NFASC: variants seen among roughly 807,000 people sequenced by gnomAD.
The protein encoded by NFASC is neurofascin.
A neutral mutation model predicts 147.5 loss-of-function variants in NFASC; 43 were observed. The ratio of observed to expected loss-of-function variants is 0.29; its 90% CI spans 0.23 to 0.38. The LOEUF is 0.38. NFASC is among the 10% of genes least tolerant of loss of function. The probability of loss-of-function intolerance (pLI) is 1.00; values close to 1 mark genes in which losing one functional copy is unlikely to be tolerated. For missense variants in NFASC, 1,320 were observed against 1,689.0 expected, an observed-to-expected ratio of 0.78 and a Z score of 3.83; for synonymous variants, 622 against 665.5, an observed-to-expected ratio of 0.93 and a Z score of 1.01.
intron 17 of NFASC, among the ~76,000 whole-genome samples, chr1:204,978,107 T>C (rs1375318630): frequency 6.6e-6 from 1 of 152,158 alleles, no homozygotes; most frequent in Non-Finnish European, 1.5e-5. Flanking sequence ...CATCTATTGC[T>C]TTCTATCCAT....
At chr1:204,882,353 T>C (rs1196491471) in intron 1 of NFASC, among the ~76,000 whole-genome samples, 1 of 152,200 alleles carries the variant, frequency 6.6e-6, no homozygotes, top group Non-Finnish European at 1.5e-5. Flanking sequence ...GGGCTGTCTT[T>C]AGGCTTTTCC....
At chr1:204,914,642 G>A (rs1248896731) in intron 1 of NFASC, among the ~76,000 whole-genome samples, 1 of 152,170 alleles carries the variant, frequency 6.6e-6, no homozygotes, top group African/African-American at 2.4e-5. Flanking sequence ...CAAAGGAGAT[G>A]CCAATTTCTG....
At chr1:204,993,666 T>A in intron 24 of NFASC, 2 of 463,844 alleles carry the variant, frequency 4.3e-6, no homozygotes, top group South Asian at 3.1e-5. Context: ...CTCTGCCCGC[T>A]GTCCTTGGTC....
Position 204,997,411 on chromosome 1 carries a change from T to C in NFASC, c.3019+5T>C. ...GGACTAAGATACACGAATCCGGTAC[T>C]GCGCATCGCCCATGCTCCCCATCCC... On this transcript the variant is annotated splice_donor_5th_base_variant and intron_variant, in intron 25 of 29. Transcript: ENST00000339876. The C allele has an allele frequency of 1.3e-6, 2 of 1,551,924 alleles. No homozygotes were observed. Among genetic ancestry groups the C allele is most frequent in the Non-Finnish European group, 1.7e-6 (2 of 1,147,050 alleles).
chr1:204,997,393 G>C lies in NFASC; in HGVS notation c.3006G>C (p.Lys1002Asn). 1 of 1,552,202 alleles carries C rather than the reference G, an allele frequency of 6.4e-7. No individual in the cohort carries two copies. The highest frequency in any genetic ancestry group is 8.7e-7 in the Non-Finnish European group (1 of 1,147,206). Residue 1002 changes from lysine to asparagine, a missense_variant, in exon 25 of 30, where the codon AAG becomes AAC. Around this residue, in one of 3 missense-constraint regions of NFASC, gnomAD observed 172 missense variants for 165.8 expected, o/e 1.04. Coordinates refer to ENST00000339876, the MANE Select transcript of NFASC (RefSeq NM_001005388.3). ...CTCCCACCACCACCTCCGGGACTAA[G>C]ATACACGAATCCGGTACTGCGCATC... ...ESPPTTTSGT[K>N]IHESAPDEQS...
In NFASC at chr1:204,918,708, C is replaced by T. The variant is rs2089835039; in HGVS notation, c.-199-1924C>T. On this transcript the variant is annotated intron_variant, in intron 1 of 29. Transcript: ENST00000339876. ...TCAAGCGATTCTCATGCCTCAGCCT[C>T]CCGAGCAGCTGGGATTACAGGTGCC... Among the ~76,000 whole-genome samples, 4 of 150,886 alleles carry T rather than the reference C, an allele frequency of 2.7e-5. No individual in the cohort carries two copies. In the South Asian group the frequency reaches 8.4e-4, roughly 32 times the overall value.
chr1:204,992,659 G>A (rs1357627538), intron 24 of NFASC, among the ~76,000 whole-genome samples: 2 of 152,136 alleles, frequency 1.3e-5, no homozygotes, highest in Non-Finnish European at 2.9e-5. Context: ...TGAAGTTTAC[G>A]TAAGTCTCTC....
chr1:204,953,636 A>G (rs1297571984), intron 5 of NFASC, among the ~76,000 whole-genome samples: 6 of 152,290 alleles, frequency 3.9e-5, no homozygotes, highest in East Asian at 3.9e-4. Context: ...GGTCACTGCT[A>G]TATAATCTGT....
In NFASC at chr1:204,984,218, A is replaced by G. The variant is rs16854869; in HGVS notation, c.2470+2198A>G. 5.8e-3 allele frequency: 5,349 copies of G among 924,356 alleles called. 183 individuals carry two copies. In the African/African-American group the frequency reaches 0.076, roughly 13 times the overall value. The allele number at this position is 924,356 out of a possible 1,614,324, so 57.3% of individuals were successfully genotyped here. ...GCCAGGGGTAGCAAATGCGGGCTAT[A>G]AGATATTTGAAAGAAACCCTAGCGT... On this transcript the variant is annotated intron_variant, in intron 21 of 29. Coordinates refer to ENST00000339876, the MANE Select transcript of NFASC (RefSeq NM_001005388.3).
At chr1:204,905,680 A>G (rs1466657120) in intron 1 of NFASC, among the ~76,000 whole-genome samples, 1 of 152,070 alleles carries the variant, frequency 6.6e-6, no homozygotes. Flanking sequence ...CAGTTTCATT[A>G]TCCTTTTCTC....
chr1:204,948,805 G>C (rs1436455800), intron 3 of NFASC: 2 of 494,418 alleles, frequency 4.0e-6, no homozygotes, highest in East Asian at 1.1e-4. Flanking sequence ...CCCTTGTCAG[G>C]CTTGCTAACC....
At chr1:204,962,929 G>A (rs2094757594) in intron 8 of NFASC, among the ~76,000 whole-genome samples, 1 of 152,176 alleles carries the variant, frequency 6.6e-6, no homozygotes, top group Non-Finnish European at 1.5e-5. Context: ...CCACACCTGA[G>A]TTACCCCTCA....
rs879755156 is a variant in NFASC at position 204,987,620 on chromosome 1, G to T, written c.2593+80G>T. The T allele has an allele frequency of 1.3e-6, 2 of 1,552,986 alleles. No individual in the cohort carries two copies. The highest frequency in any genetic ancestry group is 1.8e-6 in the Non-Finnish European group (2 of 1,131,888). ...CTCACCACTTTTCCTAAGGACTCAA[G>T]GTAGAAAGCCTGTGGGTGCAGATGG... is the stretch of plus-strand genomic sequence containing the variant. On this transcript the variant is annotated intron_variant, in intron 22 of 29. Coordinates refer to ENST00000339876, the MANE Select transcript of NFASC (RefSeq NM_001005388.3). The surrounding 1 kb of genome is among the most constrained non-coding windows in gnomAD (Gnocchi z 4.4).
At chr1:205,013,759 A>G (rs1165063403) in intron 29 of NFASC, among the ~76,000 whole-genome samples, 1 of 151,888 alleles carries the variant, frequency 6.6e-6, no homozygotes, top group Non-Finnish European at 1.5e-5. Flanking sequence ...CTCCCTCCTC[A>G]TGCCACCCAG....
chr1:205,013,509 A>G (rs1232714875), intron 29 of NFASC, among the ~76,000 whole-genome samples: 1 of 152,242 alleles, frequency 6.6e-6, no homozygotes, highest in Admixed American at 6.5e-5. Flanking sequence ...GTCCCCACCC[A>G]GTGAGTTAGT....
At chr1:204,926,394 ATATATATATATATTTTTTTTTTTT>A (rs2091520474) in intron 2 of NFASC, among the ~76,000 whole-genome samples, 1 of 16,792 alleles carries the variant, frequency 6.0e-5, no homozygotes, top group African/African-American at 1.5e-4. Context: ...ATATATATAT[ATATATATATATATTTTTTTTTTTT>A]TTTTTTTTTT....
At chr1:204,874,806 C>T (rs548243507) in intron 1 of NFASC, among the ~76,000 whole-genome samples, 3 of 152,202 alleles carry the variant, frequency 2.0e-5, no homozygotes, top group African/African-American at 4.8e-5. Context: ...ATAATCACTT[C>T]GGAAAAGGAG....
intron 1 of NFASC, among the ~76,000 whole-genome samples, chr1:204,867,657 G>A (rs537171084): frequency 9.9e-5 from 15 of 151,644 alleles, no homozygotes; most frequent in African/African-American, 2.4e-4. Context: ...ACACCAACAC[G>A]CTTACACACA....
chr1:204,941,555 A>G (rs1354263682), intron 2 of NFASC, among the ~76,000 whole-genome samples: 1 of 152,198 alleles, frequency 6.6e-6, no homozygotes, highest in Admixed American at 6.5e-5. Flanking sequence ...GATGGGAGCC[A>G]TCCCTGCTGC....
Sources: allele counts gnomAD v4.1 joint callset (sites outside exome capture counted in the v4.1 genomes callset), GRCh38; gene constraint gnomAD v4.1.1; regional missense constraint gnomAD v4.1.1; non-coding constraint Gnocchi (gnomAD v3.1); transcripts MANE v1.5; gene names NCBI Gene and HGNC (gene_info 2026-07-23, HGNC 2026-07-21).